Variants in CEP162 observed in about 807,000 individuals in gnomAD.
CEP162 encodes the protein centrosomal protein 162.
A neutral mutation model predicts 169.2 loss-of-function variants in CEP162; 141 were observed. The observed-to-expected ratio is 0.83, with a 90% CI of 0.73 to 0.96. The LOEUF is 0.96. CEP162 is among the 40% of genes least tolerant of loss of function. The probability of loss-of-function intolerance (pLI) is 0.00; values close to 1 mark genes in which losing one functional copy is unlikely to be tolerated. For missense variants in CEP162, 1,600 were observed against 1,587.2 expected (o/e 1.01, Z -0.14); for synonymous variants, 540 against 526.4 (o/e 1.03, Z -0.35).
rs181301975 is a variant in CEP162, at chr6:84,148,229, T to A, written c.3771+1333A>T. On this transcript the variant is annotated intron_variant, in intron 24 of 26. Transcript: ENST00000403245. ...ATAGTCCTTTTTTTTCTCAGCGATC[T>A]GAAGTTAAGTTACAGACTTCATTAC... 1.4e-3 allele frequency among the ~76,000 whole-genome samples: 206 copies of A among 152,246 alleles called. 3 individuals carry two copies. Among genetic ancestry groups the A allele is most frequent in the Non-Finnish European group, 8.7e-4 (59 of 67,988 alleles).
chr6:84,210,839 T>C (rs1453585039), intron 6 of CEP162, among the ~76,000 whole-genome samples: 1 of 152,110 alleles, frequency 6.6e-6, no homozygotes, highest in Non-Finnish European at 1.5e-5. Flanking sequence ...GGATGTGCCT[T>C]AGCAGTAGGG....
At chr6:84,196,750 C>T (rs2099542331) in intron 9 of CEP162, among the ~76,000 whole-genome samples, 1 of 152,134 alleles carries the variant, frequency 6.6e-6, no homozygotes, top group Admixed American at 6.6e-5. Context: ...ATATACACAA[C>T]TTCTAAACAG....
chr6:84,196,851 C>T (rs1284487686), intron 9 of CEP162, among the ~76,000 whole-genome samples: 7 of 152,098 alleles, frequency 4.6e-5, no homozygotes, highest in African/African-American at 1.7e-4. Context: ...CCCATGGCTA[C>T]ATGAAGTATA....
intron 16 of CEP162, among the ~76,000 whole-genome samples, chr6:84,172,334 T>C (rs1442725275): frequency 6.6e-6 from 1 of 152,102 alleles, no homozygotes; most frequent in Admixed American, 6.6e-5. Flanking sequence ...ACTCAACCAG[T>C]TGAGATCAGA....
At chr6:84,154,358 GTCTATCTA>G (rs775154991) in intron 22 of CEP162, among the ~76,000 whole-genome samples, 2 of 149,676 alleles carry the variant, frequency 1.3e-5, no homozygotes, top group African/African-American at 2.5e-5. Context: ...CTGTCTGTCT[GTCTATCTA>G]TCTATCTATC....
At chr6:84,204,879 T>C (rs1018500827) in intron 6 of CEP162, among the ~76,000 whole-genome samples, 9 of 152,030 alleles carry the variant, frequency 5.9e-5, no homozygotes, top group South Asian at 2.1e-4. Context: ...CAATAAAAAA[T>C]GGTAAAGGGG....
chr6:84,155,887 A>T (rs753992270), intron 21 of CEP162, among the ~76,000 whole-genome samples: 1 of 152,158 alleles, frequency 6.6e-6, no homozygotes, highest in African/African-American at 2.4e-5. Context: ...CAATCCTACA[A>T]TTCATACGGA....
chr6:84,175,233 G>C lies in CEP162; in HGVS notation c.1778C>G (p.Ser593Cys). Reference sequence around the variant, plus strand: ...ACCTACAGTCTGAAACTGAATACAGGAATCAGTTTCTGTGGGATTTTCAGA... The same window carrying C: ...ACCTACAGTCTGAAACTGAATACAGCAATCAGTTTCTGTGGGATTTTCAGA... ...KKSENPTETD[S>C]CIQFQTDSLG... The change falls in exon 14 of 27, where the codon TCC becomes TGC. Residue 593 changes from serine (S) to cysteine (C), a missense_variant. Transcript: ENST00000403245. 1 of 1,537,894 alleles carries C rather than the reference G, an allele frequency of 6.5e-7. No individual in the cohort carries two copies. The highest frequency in any genetic ancestry group is 8.8e-7 in the Non-Finnish European group (1 of 1,138,854).
At position 84,187,440 on chromosome 6, in the gene CEP162, G is replaced by A. The variant is rs184196419; in HGVS notation, c.1110-817C>T. Among the ~76,000 whole-genome samples the A allele has an allele frequency of 3.3e-5, 5 of 152,240 alleles. No individual in the cohort carries two copies. In the South Asian group the frequency reaches 8.3e-4, roughly 25 times the overall value. On this transcript the variant is annotated intron_variant, in intron 11 of 26. Coordinates refer to ENST00000403245, the MANE Select transcript of CEP162 (RefSeq NM_014895.4). ...ATTGGCTTCTTGGTAACTGCTAGTA[G>A]GTGGAATCATCAGAAATATAATAGT...
chr6:84,189,649 C>A (rs1231354206), intron 11 of CEP162, among the ~76,000 whole-genome samples: 1 of 152,222 alleles, frequency 6.6e-6, no homozygotes, highest in South Asian at 2.1e-4. Context: ...CCTGAGCCTC[C>A]CACCCACTCC....
In CEP162 at chr6:84,178,995, C is replaced by A. The variant is rs992045660; in HGVS notation, c.1664-3648G>T. Among the ~76,000 whole-genome samples the A allele has an allele frequency of 3.3e-5, 5 of 152,082 alleles. No homozygotes were observed. The East Asian group carries it at 5.8e-4, about 18-fold the overall frequency. On this transcript the variant is annotated intron_variant, in intron 13 of 26. Transcript: ENST00000403245. Reference sequence around the variant, plus strand: ...TCCCTACAAAGGACATGAACTCATCCTTTTTTATGGCTGCATAGTATTCCA... The same window carrying A: ...TCCCTACAAAGGACATGAACTCATCATTTTTTATGGCTGCATAGTATTCCA...
At chr6:84,224,814 T>C (rs915645153) in intron 2 of CEP162, among the ~76,000 whole-genome samples, 3 of 152,050 alleles carry the variant, frequency 2.0e-5, no homozygotes, top group Non-Finnish European at 4.4e-5. Flanking sequence ...GAGGGAAGAA[T>C]AAAAACATCT....
chr6:84,125,488 T>C (rs1279588929), intron 26 of CEP162, among the ~76,000 whole-genome samples: 1 of 152,080 alleles, frequency 6.6e-6, no homozygotes, highest in African/African-American at 2.4e-5. Context: ...CAAATTCATA[T>C]GTTGAATTTC....
chr6:84,164,698 G>A (rs979020124), intron 18 of CEP162, among the ~76,000 whole-genome samples: 1 of 152,052 alleles, frequency 6.6e-6, no homozygotes, highest in African/African-American at 2.4e-5. Flanking sequence ...ACCTGTCGGG[G>A]GGTGAGGGGC....
chr6:84,179,447 C>T (rs750797640), intron 13 of CEP162, among the ~76,000 whole-genome samples: 18 of 152,182 alleles, frequency 1.2e-4, no homozygotes, highest in Admixed American at 4.6e-4. Context: ...CTGTTGGCTG[C>T]ATAAATGTCT....
At chr6:84,155,597 TGTATACA>T in intron 21 of CEP162, 87 bp from the exon 22 acceptor site, 1 of 868,644 alleles carries the variant, frequency 1.2e-6, no homozygotes, top group Non-Finnish European at 1.8e-6. Flanking sequence ...CAGAAATCTC[TGTATACA>T]GTAGCATTTC....
At chr6:84,182,233 C>T (rs1161506437) in intron 13 of CEP162, among the ~76,000 whole-genome samples, 1 of 152,058 alleles carries the variant, frequency 6.6e-6, no homozygotes, top group African/African-American at 2.4e-5. Context: ...CCCAGCATAA[C>T]AACAGTTGTT....
chr6:84,155,976 A>G (rs2099522981), intron 21 of CEP162, among the ~76,000 whole-genome samples: 1 of 152,206 alleles, frequency 6.6e-6, no homozygotes, highest in Non-Finnish European at 1.5e-5. Context: ...CCTGACTTCA[A>G]ATTGTACTAC....
At chr6:84,202,491 T>C (rs1404846843) in intron 7 of CEP162, among the ~76,000 whole-genome samples, 7 of 151,526 alleles carry the variant, frequency 4.6e-5, no homozygotes, top group Non-Finnish European at 1.0e-4. Context: ...TACTGACCTA[T>C]TCATTTTTCT....
Sources: allele counts gnomAD v4.1 joint callset (sites outside exome capture counted in the v4.1 genomes callset), GRCh38; gene constraint gnomAD v4.1.1; transcripts MANE v1.5; gene names NCBI Gene and HGNC (gene_info 2026-07-23, HGNC 2026-07-21).